Variants in NR2C2 observed in about 807,000 individuals in gnomAD.
NR2C2 encodes nuclear receptor subfamily 2 group C member 2, also known as Nuclear hormone receptor TR4.
In NR2C2, 6 loss-of-function variants were observed where a neutral mutation model predicts 62.9. The observed-to-expected ratio is 0.10, with a 90% CI of 0.05 to 0.19. The LOEUF (loss-of-function observed/expected upper bound fraction) is 0.19. Ranked by LOEUF, NR2C2 falls within the 10% of genes least tolerant of loss-of-function variation. The pLI, the probability that NR2C2 is intolerant of heterozygous loss-of-function variation, is 1.00. For synonymous variants in NR2C2, 272 were observed against 273.8 expected, an observed-to-expected ratio of 0.99 and a Z score of 0.07; for missense variants, 479 against 762.7, an observed-to-expected ratio of 0.63 and a Z score of 4.38.
intron 1 of NR2C2, among the ~76,000 whole-genome samples, chr3:14,976,981 G>A (rs560145829): frequency 1.3e-5 from 2 of 152,112 alleles, no homozygotes; most frequent in East Asian, 1.9e-4. Flanking sequence ...AAATGATACC[G>A]TGCACTCAGA....
At position 15,043,780 on chromosome 3, in the gene NR2C2, ACTC is replaced by A. The variant is rs1369575746; in HGVS notation, c.*776_*778del. On this transcript the variant is annotated 3_prime_UTR_variant, in exon 14 of 14. Coordinates refer to ENST00000425241, the MANE Select transcript of NR2C2 (RefSeq NM_001291694.2). ...CCTGGTCTCTGATGGGCATCTGCAG[ACTC>A]CTCTAGAACCTGGGGTTCTCCTTTG... The A allele has an allele frequency of 6.6e-6, 1 of 152,008 alleles. No individual in the cohort carries two copies. Among genetic ancestry groups the A allele is most frequent in the Non-Finnish European group, 1.5e-5 (1 of 67,996 alleles). 9.4% of individuals were successfully genotyped at this position (152,008 alleles called of 1,614,324 possible).
chr3:14,956,954 A>G (rs904560265), intron 1 of NR2C2, among the ~76,000 whole-genome samples: 1 of 152,230 alleles, frequency 6.6e-6, no homozygotes, highest in African/African-American at 2.4e-5. Flanking sequence ...AGTTACTTTC[A>G]GATTTCTTTG....
At chr3:14,956,659 T>G (rs553009164) in intron 1 of NR2C2, among the ~76,000 whole-genome samples, 1 of 152,346 alleles carries the variant, frequency 6.6e-6, no homozygotes, top group African/African-American at 2.4e-5. Context: ...TTCTCCTGCC[T>G]CAGCCTCAAA....
intron 1 of NR2C2, among the ~76,000 whole-genome samples, chr3:14,973,115 G>A (rs1346761059): frequency 1.3e-5 from 2 of 152,102 alleles, no homozygotes; most frequent in Non-Finnish European, 2.9e-5. Flanking sequence ...GTCCTTTGAT[G>A]TAAAAAAAGT....
At chr3:15,024,232 C>G in intron 7 of NR2C2, 24 bp downstream of exon 7, 1 of 1,510,656 alleles carries the variant, frequency 6.6e-7, no homozygotes, top group South Asian at 1.2e-5. Flanking sequence ...CTCATGCTCT[C>G]TCTCATCCTT....
At position 15,020,735 on chromosome 3, in the gene NR2C2, TTC is replaced by T; in HGVS notation, c.377-16_377-15del. On this transcript the variant is annotated splice_polypyrimidine_tract_variant and intron_variant, in intron 4 of 13. Coordinates refer to ENST00000425241, the MANE Select transcript of NR2C2 (RefSeq NM_001291694.2). ...AATATAGTCACAAAATATTTGTGTA[TTC>T]TTTCTCCTGTTTCAGGCCGTCACTA... The T allele has an allele frequency of 6.2e-7, 1 of 1,611,838 alleles. No homozygotes were observed. Among genetic ancestry groups the T allele is most frequent in the Non-Finnish European group, 8.5e-7 (1 of 1,178,628 alleles).
chr3:15,026,527 T>G (rs1450233280), intron 7 of NR2C2: 1 of 152,152 alleles, frequency 6.6e-6, no homozygotes, highest in Non-Finnish European at 1.5e-5. Flanking sequence ...TACCAACCAC[T>G]AATCTGCTTT....
intron 2 of NR2C2, among the ~76,000 whole-genome samples, chr3:15,007,817 G>A (rs1019401580): frequency 1.3e-5 from 2 of 152,180 alleles, no homozygotes; most frequent in Non-Finnish European, 2.9e-5. Context: ...GTCATGTTCT[G>A]GGCAGTGTAC....
intron 1 of NR2C2, among the ~76,000 whole-genome samples, chr3:14,984,544 TAAAG>T (rs146683307): frequency 0.11 from 16,806 of 152,202 alleles, 1,066 homozygotes; most frequent in Middle Eastern, 0.17. Context: ...AATTTTCTAT[TAAAG>T]AAATCATGTG....
intron 4 of NR2C2, among the ~76,000 whole-genome samples, chr3:15,020,501 C>T (rs1365618422): frequency 6.6e-6 from 1 of 152,188 alleles, no homozygotes; most frequent in Non-Finnish European, 1.5e-5. Flanking sequence ...TGCCATCTGC[C>T]AGCTGTCATA....
chr3:14,990,220 A>ATG (rs2124826179), intron 1 of NR2C2, among the ~76,000 whole-genome samples: 1 of 152,308 alleles, frequency 6.6e-6, no homozygotes, highest in African/African-American at 2.4e-5. Context: ...AGGTTTAAAA[A>ATG]TGTTTTGAGT....
chr3:14,949,823 A>C lies in NR2C2; in HGVS notation c.-40+1917A>C, dbSNP rs1249088945. Among the ~76,000 whole-genome samples, 3 of 152,170 alleles carry C rather than the reference A, an allele frequency of 2.0e-5. No homozygotes were observed. The East Asian group carries it at 5.8e-4, about 29-fold the overall frequency. On this transcript the variant is annotated intron_variant, in intron 1 of 13. Coordinates refer to ENST00000425241, the MANE Select transcript of NR2C2 (RefSeq NM_001291694.2). ...ACTCTGTCGCCCAGGCTGGAGTTGA[A>C]TATAATTCTCTGTGTGTGAGTTCTC...
At position 15,042,829 on chromosome 3, in the gene NR2C2, T is replaced by G. The variant is rs1469147000; in HGVS notation, c.1617-5T>G. On this transcript the variant is annotated splice_region_variant and splice_polypyrimidine_tract_variant and intron_variant, in intron 13 of 13. Transcript: ENST00000425241. ...CTCCTTTTCTAATGACACTCCCTTT[T>G]ATAGATTGGCCCGGATCCTCGTTCG... 11 of 1,612,954 alleles carry G rather than the reference T, an allele frequency of 6.8e-6. No homozygotes were observed. The highest frequency in any genetic ancestry group is 1.7e-4 in the Middle Eastern group (1 of 6,036).
At chr3:15,016,344 AC>A (rs970408831) in intron 4 of NR2C2, 90 bp downstream of exon 4, 29 of 867,894 alleles carry the variant, frequency 3.3e-5, no homozygotes, top group Admixed American at 4.3e-5. Flanking sequence ...ATTTAGAAGG[AC>A]CATTTTATGT....
Position 15,016,244 on chromosome 3 carries a change from C to T in NR2C2, c.366C>T (p.Asp122=). The T allele has an allele frequency of 1.2e-6, 2 of 1,613,416 alleles. No homozygotes were observed. The highest frequency in any genetic ancestry group is 2.2e-5 in the South Asian group (2 of 91,052). ...QVVEYCVVCG[D]KASGRHYGAV... The stretch of plus-strand genomic sequence containing the variant: ...TAGAGTACTGTGTGGTCTGTGGCGA[C>T]AAAGCCTCCGGTATGTAGTTCCAGG... Residue 122 remains aspartate (D), a synonymous_variant, in exon 4 of 14, where the codon GAC becomes GAT. Transcript: ENST00000425241.
chr3:14,972,901 A>G (rs1287981329), intron 1 of NR2C2, among the ~76,000 whole-genome samples: 1 of 152,186 alleles, frequency 6.6e-6, no homozygotes, highest in Non-Finnish European at 1.5e-5. Flanking sequence ...TCATGAGAAC[A>G]GCACCAAGAG....
At position 15,020,746 on chromosome 3, in the gene NR2C2, G is replaced by T; in HGVS notation, c.377-7G>T. 2 of 1,612,714 alleles carry T rather than the reference G, an allele frequency of 1.2e-6. No individual in the cohort carries two copies. Among genetic ancestry groups the T allele is most frequent in the Non-Finnish European group, 1.7e-6 (2 of 1,179,254 alleles). Reference sequence around the variant, plus strand: ...AAAATATTTGTGTATTCTTTCTCCTGTTTCAGGCCGTCACTATGGGGCTGT... The same window carrying T: ...AAAATATTTGTGTATTCTTTCTCCTTTTTCAGGCCGTCACTATGGGGCTGT... On this transcript the variant is annotated splice_polypyrimidine_tract_variant and splice_region_variant and intron_variant, in intron 4 of 13. Transcript: ENST00000425241.
chr3:15,002,009 A>G (rs565505492), intron 1 of NR2C2, among the ~76,000 whole-genome samples: 10 of 152,194 alleles, frequency 6.6e-5, no homozygotes, highest in African/African-American at 1.9e-4. Context: ...ATTTTTTTCT[A>G]TATGAGATCA....
chr3:15,011,418 T>C (rs1473664065), intron 2 of NR2C2, among the ~76,000 whole-genome samples: 2 of 152,228 alleles, frequency 1.3e-5, no homozygotes, highest in African/African-American at 4.8e-5. Context: ...ATCTTCTTTA[T>C]CTAAGGCAAG....
Sources: allele counts gnomAD v4.1 joint callset (sites outside exome capture counted in the v4.1 genomes callset), GRCh38; gene constraint gnomAD v4.1.1; transcripts MANE v1.5; gene names NCBI Gene and HGNC (gene_info 2026-07-23, HGNC 2026-07-21).